CSGALNACT1: variants seen among roughly 807,000 people sequenced by gnomAD.
CSGALNACT1 encodes beta4GalNAcT-1.
In CSGALNACT1, 52 loss-of-function variants were observed where a neutral mutation model predicts 51.0. The observed-to-expected ratio is 1.02, with a 90% CI of 0.82 to 1.29. The LOEUF is 1.29. Among genes scored for constraint, CSGALNACT1 ranks in the 50% most tolerant of loss-of-function variants. CSGALNACT1 has a pLI of 0.00. For missense variants in CSGALNACT1, 935 were observed against 679.2 expected, an observed-to-expected ratio of 1.38 and a Z score of -4.19; for synonymous variants, 341 against 254.4, an observed-to-expected ratio of 1.34 and a Z score of -3.24.
At chr8:19,568,454 A>G (rs1159790173) in intron 3 of CSGALNACT1, among the ~76,000 whole-genome samples, 2 of 152,180 alleles carry the variant, frequency 1.3e-5, no homozygotes, top group Non-Finnish European at 2.9e-5. Context: ...TGGCTGTATA[A>G]GAATTCTGAT....
At chr8:19,639,078 G>C (rs1564322972) in intron 1 of CSGALNACT1, among the ~76,000 whole-genome samples, 1 of 152,006 alleles carries the variant, frequency 6.6e-6, no homozygotes, top group Non-Finnish European at 1.5e-5. Context: ...ACTCTGAAGG[G>C]GAAAATTGAC....
chr8:19,503,673 T>C (rs1450644137), intron 4 of CSGALNACT1, among the ~76,000 whole-genome samples: 1 of 152,198 alleles, frequency 6.6e-6, no homozygotes, highest in Non-Finnish European at 1.5e-5. Context: ...AAATGTGATG[T>C]TGCATTATCA....
intron 3 of CSGALNACT1, among the ~76,000 whole-genome samples, chr8:19,524,737 TAC>T (rs2081345255): frequency 6.6e-6 from 1 of 152,208 alleles, no homozygotes; most frequent in African/African-American, 2.4e-5. Flanking sequence ...AGCCCTTAGC[TAC>T]AGAGGACTGG....
rs183480662 is a variant in CSGALNACT1 at position 19,608,099 on chromosome 8, G to A, written c.-543-6234C>T. On this transcript the variant is annotated intron_variant, in intron 1 of 9. Coordinates refer to the CSGALNACT1 transcript ENST00000332246. ...ACCATGGTTACTTCATTAGCCAAAT[G>A]TCACCTCTCATTGTGGCCTTTCCAT... Among the ~76,000 whole-genome samples, 16 of 152,320 alleles carry A rather than the reference G, an allele frequency of 1.1e-4. No individual in the cohort carries two copies. The East Asian group carries it at 3.1e-3, about 29-fold the overall frequency.
At chr8:19,568,478 T>C (rs2042341595) in intron 3 of CSGALNACT1, among the ~76,000 whole-genome samples, 1 of 152,184 alleles carries the variant, frequency 6.6e-6, no homozygotes, top group African/African-American at 2.4e-5. Flanking sequence ...ATGGGTGCAA[T>C]ATAGGCTCTG....
chr8:19,578,573 T>C (rs1226829161), intron 3 of CSGALNACT1, among the ~76,000 whole-genome samples: 2 of 152,208 alleles, frequency 1.3e-5, no homozygotes, highest in Non-Finnish European at 2.9e-5. Flanking sequence ...TGAACTGCTT[T>C]ACTGCAGATC....
At chr8:19,423,958 C>T (rs972299641) in intron 6 of CSGALNACT1, among the ~76,000 whole-genome samples, 5 of 152,202 alleles carry the variant, frequency 3.3e-5, no homozygotes, top group East Asian at 3.9e-4. Flanking sequence ...TGGGGGCCGG[C>T]GCACACACAC....
At chr8:19,405,865 C>A (rs760350551) in exon 10 of CSGALNACT1, 1 of 1,614,124 alleles carries the variant, frequency 6.2e-7, no homozygotes, top group Non-Finnish European at 8.5e-7. Context: ...GCCCAGCTGG[C>A]CGTGGGATGC....
intron 1 of CSGALNACT1, among the ~76,000 whole-genome samples, chr8:19,676,498 T>G (rs1261831419): frequency 2.0e-5 from 3 of 152,160 alleles, no homozygotes; most frequent in Non-Finnish European, 4.4e-5. Context: ...TACTTGAACA[T>G]CAACAGAAAC....
intron 1 of CSGALNACT1, among the ~76,000 whole-genome samples, chr8:19,678,978 G>A (rs1441024070): frequency 6.6e-6 from 1 of 152,140 alleles, no homozygotes; most frequent in African/African-American, 2.4e-5. Context: ...ACTTAATCCT[G>A]ACATAAAGAT....
chr8:19,540,812 C>T (rs879283858), intron 3 of CSGALNACT1, among the ~76,000 whole-genome samples: 2 of 152,154 alleles, frequency 1.3e-5, no homozygotes, highest in African/African-American at 4.8e-5. Flanking sequence ...CATCTTTCTC[C>T]CTTTGCTGGA....
chr8:19,450,162 G>A (rs1586276356), intron 5 of CSGALNACT1, among the ~76,000 whole-genome samples: 1 of 84,516 alleles, frequency 1.2e-5, no homozygotes, highest in Non-Finnish European at 2.4e-5. Flanking sequence ...AGGAGGAGAG[G>A]GAGAAGGGGG....
At chr8:19,684,518 A>G (rs2060860686), upstream of CSGALNACT1, among the ~76,000 whole-genome samples, 2 of 152,128 alleles carry the variant, frequency 1.3e-5, no homozygotes, top group Non-Finnish European at 2.9e-5. Flanking sequence ...GACTCCCCAT[A>G]ACCCCAGGGC....
chr8:19,563,486 G>T (rs988993124), intron 3 of CSGALNACT1, among the ~76,000 whole-genome samples: 5 of 152,050 alleles, frequency 3.3e-5, no homozygotes, highest in Admixed American at 6.6e-5. Flanking sequence ...GCAAGTCATG[G>T]CTGACCTGGA....
intron 8 of CSGALNACT1, among the ~76,000 whole-genome samples, chr8:19,413,013 G>T (rs1203115021): frequency 1.3e-5 from 2 of 152,194 alleles, no homozygotes; most frequent in Non-Finnish European, 2.9e-5. Flanking sequence ...TCCGGGGACA[G>T]TTCCACATCT....
chr8:19,560,015 G>C lies in CSGALNACT1; in HGVS notation c.-297+31145C>G, dbSNP rs76962884. Among the ~76,000 whole-genome samples, 939 of 152,290 alleles carry C rather than the reference G, an allele frequency of 6.2e-3. 10 individuals are homozygous for C. Among genetic ancestry groups the C allele is most frequent in the African/African-American group, 0.021 (890 of 41,550 alleles). On this transcript the variant is annotated intron_variant, in intron 3 of 9. Coordinates refer to ENST00000454498, the Ensembl canonical transcript of CSGALNACT1. Reference sequence around the variant, plus strand: ...TTAAGAAGACGCAGTAATTAAACCAGTGTGCTACTGGTATAGAATAGACAA... The same window carrying C: ...TTAAGAAGACGCAGTAATTAAACCACTGTGCTACTGGTATAGAATAGACAA...
chr8:19,498,764 A>G (rs915451730), intron 4 of CSGALNACT1, among the ~76,000 whole-genome samples: 1 of 152,216 alleles, frequency 6.6e-6, no homozygotes, highest in African/African-American at 2.4e-5. Flanking sequence ...ATTTTCTCTC[A>G]TAACATATTC....
intron 1 of CSGALNACT1, among the ~76,000 whole-genome samples, chr8:19,719,210 T>C (rs977557965): frequency 6.6e-6 from 1 of 152,210 alleles, no homozygotes; most frequent in Non-Finnish European, 1.5e-5. Flanking sequence ...TCTCTTGGAC[T>C]CATTTGTCTT....
chr8:19,685,820 T>C (rs993322118), upstream of CSGALNACT1, among the ~76,000 whole-genome samples: 3 of 150,962 alleles, frequency 2.0e-5, no homozygotes, highest in Admixed American at 1.3e-4. Flanking sequence ...CGAGAAGGAG[T>C]GGGAAGAGGT....
Sources: allele counts gnomAD v4.1 joint callset (sites outside exome capture counted in the v4.1 genomes callset), GRCh38; gene constraint gnomAD v4.1.1; transcripts MANE v1.5; gene names NCBI Gene and HGNC (gene_info 2026-07-23, HGNC 2026-07-21).